The following OPTN variants were observed in gnomAD, a reference collection of about 807,000 sequenced individuals.
OPTN encodes E3-14.7K-interacting protein.
A neutral mutation model predicts 70.4 loss-of-function variants in OPTN; 54 were observed. The observed-to-expected ratio is 0.77, with a 90% CI of 0.62 to 0.96. OPTN has a LOEUF of 0.96. OPTN is among the 40% of genes least tolerant of loss of function. The pLI is 0.00. For synonymous variants in OPTN, 256 were observed against 248.5 expected, an observed-to-expected ratio of 1.03 and a Z score of -0.28; for missense variants, 624 against 673.2, an observed-to-expected ratio of 0.93 and a Z score of 0.81.
At chr10:13,114,838 T>TTATATAACGTA (rs1833109156) in intron 5 of OPTN, among the ~76,000 whole-genome samples, 1 of 51,026 alleles carries the variant, frequency 2.0e-5, no homozygotes, top group Non-Finnish European at 3.9e-5. Flanking sequence ...AATTATATAA[T>TTATATAACGTA]TATATAATTG....
chr10:13,133,802 C>CTTTTTCTTT (rs1199770007), intron 14 of OPTN, among the ~76,000 whole-genome samples: 1 of 152,030 alleles, frequency 6.6e-6, no homozygotes, highest in Admixed American at 6.6e-5. Flanking sequence ...CACGGCCACA[C>CTTTTTCTTT]TTTTTCTTTT....
At chr10:13,130,160 C>G (rs1415066986) in intron 12 of OPTN, among the ~76,000 whole-genome samples, 2 of 152,104 alleles carry the variant, frequency 1.3e-5, no homozygotes, top group African/African-American at 2.4e-5. Flanking sequence ...GGCATGGTGG[C>G]TCACACCTGT....
At chr10:13,131,962 A>G (rs1321839155) in intron 12 of OPTN, 105 bp from the exon 13 acceptor site, 2 of 1,142,722 alleles carry the variant, frequency 1.8e-6, no homozygotes, top group Non-Finnish European at 1.3e-6. Flanking sequence ...TCTGTGATTC[A>G]CAAGGGCTAT....
At chr10:13,117,892 TCAAA>T (rs916141557) in intron 6 of OPTN, among the ~76,000 whole-genome samples, 74 of 152,256 alleles carry the variant, frequency 4.9e-4, no homozygotes, top group African/African-American at 1.4e-3. Flanking sequence ...TATTCTTTCG[TCAAA>T]CACAGTAATT....
rs759806041 is a variant in OPTN, at chr10:13,109,162, G to A, written c.40G>A (p.Asp14Asn). The A allele has an allele frequency of 9.9e-6, 16 of 1,613,904 alleles. No homozygotes were observed. The African/African-American group carries it at 2.0e-4, about 20-fold the overall frequency. The change falls in exon 3 of 15, where the codon GAC (aspartate) becomes AAC (asparagine). Residue 14 changes from aspartate to asparagine, a missense_variant. By Grantham distance (23) the Asp-to-Asn change is conservative. Transcript: ENST00000378747. ...TCTCAGCTGCCTCACTGAAAAGGAG[G>A]ACAGCCCCAGTGAAAGCACAGGAAA... ...QPLSCLTEKE[D>N]SPSESTGNGP...
At chr10:13,112,360 C>T (rs1222089849) in intron 4 of OPTN, 93 bp from the exon 5 acceptor site, 2 of 1,234,524 alleles carry the variant, frequency 1.6e-6, no homozygotes, top group Admixed American at 3.8e-5. Context: ...CCTCCCACTT[C>T]AGCCTCCCAG....
chr10:13,105,597 G>T (rs1738820475), intron 1 of OPTN, among the ~76,000 whole-genome samples: 1 of 152,102 alleles, frequency 6.6e-6, no homozygotes, highest in Admixed American at 6.6e-5. Context: ...GTATCTGTAG[G>T]CTTGGTGGAG....
chr10:13,118,094 G>A (rs1476935403), intron 6 of OPTN, among the ~76,000 whole-genome samples: 3 of 152,152 alleles, frequency 2.0e-5, no homozygotes, highest in Non-Finnish European at 4.4e-5. Flanking sequence ...AAGCCACATG[G>A]CTATTTTTAA....
intron 7 of OPTN, 59 bp from the exon 8 acceptor site, chr10:13,122,326 T>A: frequency 8.7e-7 from 1 of 1,151,124 alleles, no homozygotes; most frequent in South Asian, 1.3e-5. Context: ...TCTGTAATAA[T>A]TGCTATTTCT....
At chr10:13,133,038 C>A (rs980666218) in intron 13 of OPTN, among the ~76,000 whole-genome samples, 19 of 152,060 alleles carry the variant, frequency 1.2e-4, no homozygotes, top group African/African-American at 4.3e-4. Flanking sequence ...GTAGCTTCCC[C>A]ATCTATTTTA....
At chr10:13,125,316 G>A (rs1833434535) in intron 9 of OPTN, 102 bp from the exon 10 acceptor site, 6 of 1,267,918 alleles carry the variant, frequency 4.7e-6, no homozygotes, top group Non-Finnish European at 6.9e-6. Flanking sequence ...AAACCCTACA[G>A]CCCTAAAATT....
At chr10:13,116,419 A>G in intron 6 of OPTN, 79 bp downstream of exon 6, 1 of 946,194 alleles carries the variant, frequency 1.1e-6, no homozygotes. Flanking sequence ...CGGAGGTCAA[A>G]TGTTGTGACC....
rs771828062 is a variant in OPTN, at chr10:13,103,742, G to GCACACACACACACACACACA, written c.-164+3447_-164+3466dup. Among the ~76,000 whole-genome samples the GCACACACACACACACACACA allele has an allele frequency of 2.0e-3, 131 of 64,898 alleles. 1 individual carries two copies. Among genetic ancestry groups the GCACACACACACACACACACA allele is most frequent in the African/African-American group, 3.6e-3 (114 of 31,394 alleles). The allele number at this position is 64,898 out of a possible 152,430, so 42.6% of individuals were successfully genotyped here. ...AATTTAAATGTATATACACACACAT[G>GCACACACACACACACACACA]CACACACACACACACACACACACAC... On this transcript the variant is annotated intron_variant, in intron 1 of 14. Coordinates refer to ENST00000378747, the MANE Select transcript of OPTN (RefSeq NM_001008212.2).
At chr10:13,132,247 G>A (rs780504729) in intron 13 of OPTN, 50 bp downstream of exon 13, 8 of 1,603,060 alleles carry the variant, frequency 5.0e-6, no homozygotes, top group Admixed American at 1.7e-5. Flanking sequence ...CATGGCCGTA[G>A]AAGAGGTGCC....
chr10:13,111,918 G>A (rs2131487441), intron 4 of OPTN, among the ~76,000 whole-genome samples: 1 of 141,058 alleles, frequency 7.1e-6, no homozygotes, highest in Non-Finnish European at 1.5e-5. Context: ...CATAATCTCG[G>A]CTCACTGCAA....
chr10:13,110,540 T>C (rs1432768640), intron 4 of OPTN, 64 bp downstream of exon 4: 1 of 1,488,778 alleles, frequency 6.7e-7, no homozygotes, highest in East Asian at 2.4e-5. Flanking sequence ...CAGTGGAATC[T>C]TACGTGTCTA....
chr10:13,122,193 G>A (rs142745644), intron 7 of OPTN, among the ~76,000 whole-genome samples, 192 bp from the exon 8 acceptor site: 21 of 152,274 alleles, frequency 1.4e-4, no homozygotes, highest in African/African-American at 4.3e-4. Context: ...GTATTTGTCT[G>A]TGAATCAATT....
chr10:13,115,357 AAT>A (rs555287921), intron 5 of OPTN, among the ~76,000 whole-genome samples: 18 of 108,388 alleles, frequency 1.7e-4, no homozygotes, highest in African/African-American at 3.0e-4. Flanking sequence ...ATAATTGTAT[AAT>A]ATATATACAC....
rs560052353 is a variant in OPTN, at chr10:13,117,080, C to CTTTTT, written c.626+754_626+758dup. Among the ~76,000 whole-genome samples, 68 of 121,354 alleles carry CTTTTT rather than the reference C, an allele frequency of 5.6e-4. 1 individual carries two copies. The highest frequency in any genetic ancestry group is 8.6e-4 in the Non-Finnish European group (53 of 61,672). The allele number at this position is 121,354 out of a possible 152,430, so 79.6% of individuals were successfully genotyped here. A position where few individuals can be genotyped will look rare whatever the true frequency, so the allele number is the denominator to read the frequency against. The stretch of plus-strand genomic sequence containing the variant: ...TGTCTGAAAAGAACTCTAAGGATCT[C>CTTTTT]TTTTTTTTTTTTTTTTTTGAGACGG... On this transcript the variant is annotated intron_variant, in intron 6 of 14. Transcript: ENST00000378747.
Sources: allele counts gnomAD v4.1 joint callset (sites outside exome capture counted in the v4.1 genomes callset), GRCh38; gene constraint gnomAD v4.1.1; transcripts MANE v1.5; gene names NCBI Gene and HGNC (gene_info 2026-07-23, HGNC 2026-07-21).